NFIB: variants seen among roughly 807,000 people sequenced by gnomAD.
The protein encoded by NFIB is nuclear factor I B.
NFIB carries 11 observed loss-of-function variants against 61.5 expected under a neutral mutation model. That is an observed-to-expected ratio of 0.18 (90% CI 0.11 to 0.30). The LOEUF is 0.30. Among genes scored for constraint, NFIB ranks in the 10% least tolerant of loss-of-function variants. The probability of loss-of-function intolerance (pLI) is 1.00; values close to 1 mark genes in which losing one functional copy is unlikely to be tolerated. For synonymous variants in NFIB, 260 were observed against 216.5 expected, an observed-to-expected ratio of 1.20 and a Z score of -1.76; for missense variants, 471 against 608.9, an observed-to-expected ratio of 0.77 and a Z score of 2.38.
chr9:14,275,103 C>A lies in NFIB; in HGVS notation c.562+31886G>T, dbSNP rs562437937. Among the ~76,000 whole-genome samples the A allele has an allele frequency of 2.0e-5, 3 of 152,270 alleles. No homozygotes were observed. The East Asian group carries it at 5.8e-4, about 29-fold the overall frequency. The stretch of plus-strand genomic sequence containing the variant: ...TATCAGTAAGTTCTTAATTTGCCCA[C>A]GTCCCAGTGTATTCAACGGGCTTCA... On this transcript the variant is annotated intron_variant, in intron 2 of 10. Coordinates refer to ENST00000380953, the MANE Select transcript of NFIB (RefSeq NM_001190737.2).
the NFIB span, among the ~76,000 whole-genome samples, chr9:14,487,072 A>G: frequency 5.9e-5 from 9 of 152,142 alleles, no homozygotes. Flanking sequence ...ATGTCTGGAT[A>G]CCAAGCAAGG....
the NFIB span, among the ~76,000 whole-genome samples, chr9:14,463,314 G>A: frequency 1.4e-4 from 21 of 151,784 alleles, no homozygotes; most frequent in Admixed American, 3.3e-4. Flanking sequence ...TATAAAAGAA[G>A]AGTTGGATAA....
At chr9:14,140,321 T>C (rs1358583995) in intron 6 of NFIB, among the ~76,000 whole-genome samples, 1 of 152,162 alleles carries the variant, frequency 6.6e-6, no homozygotes, top group Non-Finnish European at 1.5e-5. Flanking sequence ...CCCACAGCTC[T>C]AGAGAAATCT....
chr9:14,181,378 C>G (rs1009053694), intron 2 of NFIB, among the ~76,000 whole-genome samples: 7 of 152,216 alleles, frequency 4.6e-5, no homozygotes, highest in African/African-American at 1.4e-4. Flanking sequence ...CATTCTTCAT[C>G]TGGCTCGAGT....
intron 2 of NFIB, among the ~76,000 whole-genome samples, chr9:14,232,825 A>C (rs2053346922): frequency 6.6e-6 from 1 of 152,216 alleles, no homozygotes. Flanking sequence ...GTTTATTTCA[A>C]TTGTTTTGCC....
the NFIB span, among the ~76,000 whole-genome samples, chr9:14,478,838 G>A: frequency 6.6e-6 from 1 of 152,174 alleles, no homozygotes; most frequent in Admixed American, 6.5e-5. Context: ...AGCCCTAGAA[G>A]TGGAATTATG....
chr9:14,425,665 T>C, the NFIB span, among the ~76,000 whole-genome samples: 1 of 146,722 alleles, frequency 6.8e-6, no homozygotes, highest in African/African-American at 2.5e-5. Context: ...GACCACTTAA[T>C]CTCGAGGTAT....
the NFIB span, among the ~76,000 whole-genome samples, chr9:14,506,641 T>C: frequency 2.0e-5 from 3 of 152,190 alleles, no homozygotes; most frequent in Non-Finnish European, 4.4e-5. Context: ...GTATGTAGGT[T>C]AGGTTTATTC....
chr9:14,148,760 T>C (rs1389059329), intron 5 of NFIB, among the ~76,000 whole-genome samples: 1 of 152,186 alleles, frequency 6.6e-6, no homozygotes, highest in Non-Finnish European at 1.5e-5. Context: ...ATACTCATGA[T>C]TAATATTTGA....
At chr9:14,343,161 T>C (rs559357842) in intron 1 of NFIB, among the ~76,000 whole-genome samples, 26 of 152,308 alleles carry the variant, frequency 1.7e-4, no homozygotes, top group Middle Eastern at 3.4e-3. Flanking sequence ...GTCCTGTTTT[T>C]CCCACAATCT....
chr9:14,176,215 A>T (rs1016039793), intron 3 of NFIB, among the ~76,000 whole-genome samples: 26 of 151,522 alleles, frequency 1.7e-4, no homozygotes, highest in African/African-American at 5.6e-4. Context: ...TAACCAAGAG[A>T]GGACATTTTT....
At chr9:14,169,034 C>G (rs2045260453) in intron 3 of NFIB, among the ~76,000 whole-genome samples, 1 of 152,142 alleles carries the variant, frequency 6.6e-6, no homozygotes, top group Non-Finnish European at 1.5e-5. Flanking sequence ...CTAGTTCTAT[C>G]TTACTTATTT....
the NFIB span, among the ~76,000 whole-genome samples, chr9:14,444,984 A>C: frequency 6.7e-6 from 1 of 149,888 alleles, no homozygotes; most frequent in Admixed American, 6.6e-5. Context: ...AACTTTATAT[A>C]AATGGAACAA....
At chr9:14,189,461 C>T (rs529748218) in intron 2 of NFIB, among the ~76,000 whole-genome samples, 12 of 151,980 alleles carry the variant, frequency 7.9e-5, no homozygotes, top group African/African-American at 2.9e-4. Flanking sequence ...TAGTTGTTTT[C>T]AAAGGAATTA....
At chr9:14,183,774 A>C (rs923912592) in intron 2 of NFIB, among the ~76,000 whole-genome samples, 1 of 152,104 alleles carries the variant, frequency 6.6e-6, no homozygotes, top group African/African-American at 2.4e-5. Context: ...AACCAAAACC[A>C]GTCCTCCCTC....
the NFIB span, among the ~76,000 whole-genome samples, chr9:14,473,051 GT>G: frequency 1.3e-5 from 2 of 152,168 alleles, no homozygotes; most frequent in African/African-American, 2.4e-5. Flanking sequence ...ATCCCATGAT[GT>G]AGAATTTTCT....
chr9:14,128,776 A>G (rs564308002), intron 6 of NFIB, among the ~76,000 whole-genome samples: 14 of 152,224 alleles, frequency 9.2e-5, no homozygotes, highest in Admixed American at 2.6e-4. Context: ...TTTCTGGAGA[A>G]GAGGATCAAT....
the NFIB span, among the ~76,000 whole-genome samples, chr9:14,489,777 C>T: frequency 6.6e-6 from 1 of 151,848 alleles, no homozygotes; most frequent in African/African-American, 2.4e-5. Context: ...CATATCTATA[C>T]ACATATATTA....
At chr9:14,516,088 G>A in the NFIB span, among the ~76,000 whole-genome samples, 61 of 152,350 alleles carry the variant, frequency 4.0e-4, no homozygotes, top group East Asian at 6.4e-3. Flanking sequence ...TAGCCCCACA[G>A]CAGCCGAGCT....
Sources: allele counts gnomAD v4.1 joint callset (sites outside exome capture counted in the v4.1 genomes callset), GRCh38; gene constraint gnomAD v4.1.1; transcripts MANE v1.5; gene names NCBI Gene and HGNC (gene_info 2026-07-23, HGNC 2026-07-21).